Variants in NBAS observed in about 807,000 individuals in gnomAD.
NBAS encodes NAG/BC035112 fusion.
NBAS carries 219 observed loss-of-function variants against 302.5 expected under a neutral mutation model. The observed-to-expected ratio is 0.72, with a 90% CI of 0.65 to 0.81. The LOEUF is 0.81. Among genes scored for constraint, NBAS ranks in the 30% least tolerant of loss-of-function variants. The probability of loss-of-function intolerance (pLI) is 0.00; values close to 1 mark genes in which losing one functional copy is unlikely to be tolerated. For synonymous variants in NBAS, 1,118 were observed against 1,021.6 expected (o/e 1.09, Z -1.80); for missense variants, 2,932 against 2,841.6 (o/e 1.03, Z -0.72).
At chr2:14,984,894 T>C in the NBAS span, among the ~76,000 whole-genome samples, 1 of 151,472 alleles carries the variant, frequency 6.6e-6, no homozygotes, top group South Asian at 2.1e-4. Flanking sequence ...TGCCTCAGAG[T>C]GGTGGTGGGT....
Position 15,427,778 on chromosome 2 carries a change from G to C in NBAS, c.2356C>G (p.Leu786Val), listed in dbSNP as rs763955825. ...TGTTCATGCCAAGGAATGATCATCA[G>C]GGAGTCACCGTTAAAACTCAAATTT... ...LPEACFNGDS[L>V]MIIPWHEHKH... The change falls in exon 22 of 52, where the codon CTG (leucine) becomes GTG (valine). Residue 786 changes from leucine to valine, a missense_variant. By Grantham distance (32) the Leu-to-Val change is conservative (BLOSUM62 1). Coordinates refer to ENST00000281513, the MANE Select transcript of NBAS (RefSeq NM_015909.4). 2.5e-6 allele frequency: 4 copies of C among 1,612,924 alleles called. No homozygotes were observed. Among genetic ancestry groups the C allele is most frequent in the Non-Finnish European group, 3.4e-6 (4 of 1,179,414 alleles).
the NBAS span, among the ~76,000 whole-genome samples, chr2:15,142,013 A>C: frequency 6.6e-6 from 1 of 152,210 alleles, no homozygotes; most frequent in Non-Finnish European, 1.5e-5. Context: ...TGACATTTAC[A>C]ATCACAAAAT....
Position 15,308,240 on chromosome 2 carries a change from C to A in NBAS, c.4773G>T (p.Arg1591Ser), listed in dbSNP as rs145025745. ...QIYARLAPCF[R>S]DKCHPLYRAD... ...CCCTGTAAAGAGGATGGCACTTGTC[C>A]CTGAAACATGGGGCCAATCGGGCAT... Residue 1591 changes from arginine to serine, a missense_variant, in exon 40 of 52, where the codon AGG (arginine) becomes AGT (serine). Transcript: ENST00000281513. The A allele has an allele frequency of 1.5e-5, 24 of 1,614,012 alleles. No individual in the cohort carries two copies. The African/African-American group carries it at 3.2e-4, about 22-fold the overall frequency.
chr2:15,321,486 A>C (rs552937341), intron 38 of NBAS, among the ~76,000 whole-genome samples: 91 of 152,332 alleles, frequency 6.0e-4, no homozygotes, highest in African/African-American at 2.0e-3. Context: ...AAATTTTTGC[A>C]ATCTACCCAT....
At chr2:15,291,931 TA>T (rs898452850) in intron 41 of NBAS, among the ~76,000 whole-genome samples, 16 of 151,500 alleles carry the variant, frequency 1.1e-4, no homozygotes, top group African/African-American at 3.9e-4. Flanking sequence ...CAGGAAACTT[TA>T]AAAAAAAATA....
intron 32 of NBAS, among the ~76,000 whole-genome samples, chr2:15,365,142 G>A (rs188028558): frequency 6.6e-6 from 1 of 152,296 alleles, no homozygotes; most frequent in Non-Finnish European, 1.5e-5. Flanking sequence ...GCAGCTATGT[G>A]TAACAGAACT....
the NBAS span, among the ~76,000 whole-genome samples, chr2:14,885,388 T>C: frequency 2.6e-5 from 4 of 152,106 alleles, no homozygotes; most frequent in Non-Finnish European, 5.9e-5. Context: ...AGGTGGATAA[T>C]ATTATGTTTT....
chr2:15,392,028 A>AC (rs1466447537), intron 28 of NBAS, among the ~76,000 whole-genome samples: 1 of 151,762 alleles, frequency 6.6e-6, no homozygotes, highest in African/African-American at 2.4e-5. Context: ...CTACCAAAAA[A>AC]AAAATTAAAA....
chr2:15,008,377 C>T, the NBAS span, among the ~76,000 whole-genome samples: 4 of 152,350 alleles, frequency 2.6e-5, no homozygotes, highest in Middle Eastern at 6.8e-3. Context: ...TGATGCATCT[C>T]CAGTTCTCTC....
the NBAS span, among the ~76,000 whole-genome samples, chr2:15,143,306 G>A: frequency 6.6e-6 from 1 of 152,174 alleles, no homozygotes; most frequent in Non-Finnish European, 1.5e-5. Flanking sequence ...GTCCGCGTCT[G>A]CAGAGCTGAG....
At chr2:15,460,636 A>G (rs1411340599) in intron 21 of NBAS, among the ~76,000 whole-genome samples, 1 of 152,226 alleles carries the variant, frequency 6.6e-6, no homozygotes, top group Non-Finnish European at 1.5e-5. Flanking sequence ...CCAGGTGGTA[A>G]TACAGGGACT....
At chr2:14,785,584 G>A in the NBAS span, among the ~76,000 whole-genome samples, 1 of 152,128 alleles carries the variant, frequency 6.6e-6, no homozygotes, top group African/African-American at 2.4e-5. Flanking sequence ...TAATCATGTG[G>A]TTTTTGTCTT....
the NBAS span, among the ~76,000 whole-genome samples, chr2:14,780,956 G>A: frequency 1.3e-5 from 2 of 152,164 alleles, no homozygotes; most frequent in Non-Finnish European, 2.9e-5. Flanking sequence ...AGAGAGGGAG[G>A]ATGCGAAGGC....
the NBAS span, among the ~76,000 whole-genome samples, chr2:15,091,293 A>AGTTGACCCTTGAACAACACG: frequency 1.6e-3 from 240 of 152,028 alleles, 1 homozygote; most frequent in African/African-American, 5.4e-3. Context: ...CACTTCATAC[A>AGTTGACCCTTGAACAACACG]GTTTGAACTG....
chr2:14,818,367 C>G, the NBAS span, among the ~76,000 whole-genome samples: 3 of 152,166 alleles, frequency 2.0e-5, no homozygotes, highest in Admixed American at 6.6e-5. Flanking sequence ...AAAATTTTAT[C>G]TGCATCTACC....
chr2:14,997,640 T>C, the NBAS span, among the ~76,000 whole-genome samples: 6 of 152,186 alleles, frequency 3.9e-5, no homozygotes, highest in African/African-American at 1.4e-4. Context: ...ATATTTATCA[T>C]GCACACTCTT....
the NBAS span, among the ~76,000 whole-genome samples, chr2:14,898,664 A>T: frequency 1.3e-5 from 2 of 152,176 alleles, no homozygotes; most frequent in Non-Finnish European, 2.9e-5. Context: ...TGGTTTTATC[A>T]GGGGTTTCTG....
chr2:15,187,365 T>C (rs1234767683), intron 49 of NBAS, among the ~76,000 whole-genome samples: 6 of 152,176 alleles, frequency 3.9e-5, no homozygotes, highest in African/African-American at 1.4e-4. Flanking sequence ...ACATAAATAC[T>C]GCCTCTTGTT....
the NBAS span, among the ~76,000 whole-genome samples, chr2:15,127,830 C>T: frequency 6.6e-6 from 1 of 151,436 alleles, no homozygotes; most frequent in Non-Finnish European, 1.5e-5. Flanking sequence ...AAATCACATG[C>T]TAGAGCTGCA....
Sources: gnomAD v4.1 joint callset for allele counts (sites outside exome capture counted in the v4.1 genomes callset) on GRCh38, gnomAD v4.1.1 for gene constraint, MANE v1.5 for transcripts, NCBI Gene and HGNC (gene_info 2026-07-23, HGNC 2026-07-21) for gene names.